XXYLT1: variants seen among roughly 807,000 people sequenced by gnomAD.
The protein encoded by XXYLT1 is UDP-xylose:alpha-xyloside alpha-1,3-xylosyltransferase.
In XXYLT1, 20 loss-of-function variants were observed where a neutral mutation model predicts 28.9. The ratio of observed to expected loss-of-function variants is 0.69; its 90% CI spans 0.49 to 1.00. The LOEUF (loss-of-function observed/expected upper bound fraction) is 1.00, where lower values mean the gene tolerates loss of function less well. Ranked by LOEUF, XXYLT1 falls within the 50% of genes least tolerant of loss-of-function variation. XXYLT1 has a pLI of 0.00. For missense variants in XXYLT1, 542 were observed against 560.1 expected (o/e 0.97, Z 0.33); for synonymous variants, 257 against 253.8 (o/e 1.01, Z -0.12).
chr3:195,140,704 A>G (rs182210751), intron 3 of XXYLT1, among the ~76,000 whole-genome samples: 83 of 152,286 alleles, frequency 5.5e-4, no homozygotes, highest in African/African-American at 1.9e-3. Context: ...GGGAAGCACT[A>G]CACACTTTTA....
chr3:195,258,438 A>C (rs1482419475), intron 1 of XXYLT1, among the ~76,000 whole-genome samples: 2 of 152,240 alleles, frequency 1.3e-5, no homozygotes, highest in Non-Finnish European at 2.9e-5. Flanking sequence ...GTAAGAGGGA[A>C]ACAAAACATC....
chr3:195,106,322 A>T (rs907388755), intron 3 of XXYLT1, among the ~76,000 whole-genome samples: 1 of 151,994 alleles, frequency 6.6e-6, no homozygotes, highest in African/African-American at 2.4e-5. Context: ...TTTTTGATGG[A>T]GAGATGCTCT....
rs1283814155 is a variant in XXYLT1, at chr3:195,090,461, G to A, written c.786-20350C>T. Among the ~76,000 whole-genome samples the A allele has an allele frequency of 1.3e-5, 2 of 149,718 alleles. 1 individual carries two copies. The highest frequency in any genetic ancestry group is 5.0e-5 in the African/African-American group (2 of 39,830). Reference sequence around the variant, plus strand: ...ATAACGAAATGAAGGCAGAAATAAAGATGTTCTTTGAAACCAACAAGAACA... The same window carrying A: ...ATAACGAAATGAAGGCAGAAATAAAAATGTTCTTTGAAACCAACAAGAACA... On this transcript the variant is annotated intron_variant, in intron 3 of 3. Transcript: ENST00000310380.
chr3:195,219,221 C>T (rs1415408580), intron 2 of XXYLT1, among the ~76,000 whole-genome samples: 3 of 151,542 alleles, frequency 2.0e-5, no homozygotes, highest in East Asian at 3.9e-4. Context: ...TGCTAGATGA[C>T]GAGTTAGTGG....
chr3:195,204,320 C>A (rs1415734244), intron 2 of XXYLT1, among the ~76,000 whole-genome samples: 1 of 148,542 alleles, frequency 6.7e-6, no homozygotes, highest in Admixed American at 6.8e-5. Flanking sequence ...TCCAGCCTGG[C>A]GACAGAGCAA....
At chr3:195,232,290 G>A (rs1724335097) in intron 1 of XXYLT1, among the ~76,000 whole-genome samples, 1 of 150,576 alleles carries the variant, frequency 6.6e-6, no homozygotes, top group Non-Finnish European at 1.5e-5. Flanking sequence ...TCTTAGTCTG[G>A]CTAAAGGTTT....
intron 2 of XXYLT1, among the ~76,000 whole-genome samples, chr3:195,175,477 G>A (rs1349267832): frequency 6.6e-6 from 1 of 152,146 alleles, no homozygotes; most frequent in South Asian, 2.1e-4. Context: ...CATTTGGGGA[G>A]AGGACGACAA....
intron 3 of XXYLT1, chr3:195,085,763 C>CGAA (rs1715691766): frequency 6.5e-6 from 1 of 152,764 alleles, no homozygotes; most frequent in Non-Finnish European, 1.5e-5. Context: ...GCCTCACTGT[C>CGAA]CTTCGACTGT....
intron 1 of XXYLT1, among the ~76,000 whole-genome samples, chr3:195,245,935 T>A (rs1303696956): frequency 6.6e-6 from 1 of 152,206 alleles, no homozygotes; most frequent in African/African-American, 2.4e-5. Flanking sequence ...GGCACCACCC[T>A]TCTCTACAGC....
At chr3:195,089,357 G>C (rs1716001651) in intron 3 of XXYLT1, among the ~76,000 whole-genome samples, 1 of 152,130 alleles carries the variant, frequency 6.6e-6, no homozygotes, top group Non-Finnish European at 1.5e-5. Context: ...CCAGAAGAGA[G>C]TGGGGGCCAA....
At chr3:195,239,492 A>G (rs1577184860) in intron 1 of XXYLT1, among the ~76,000 whole-genome samples, 1 of 152,370 alleles carries the variant, frequency 6.6e-6, no homozygotes, top group East Asian at 1.9e-4. Context: ...GATGACTTCC[A>G]TACTGAAGGC....
intron 2 of XXYLT1, among the ~76,000 whole-genome samples, chr3:195,157,242 C>CAAAAAAA (rs34312884): frequency 4.1e-5 from 3 of 73,818 alleles, no homozygotes; most frequent in South Asian, 4.9e-4. Flanking sequence ...GGCGCCATCT[C>CAAAAAAA]AAAAAAAAAA....
chr3:195,159,520 AC>A (rs1198209593), intron 2 of XXYLT1, among the ~76,000 whole-genome samples: 5 of 152,184 alleles, frequency 3.3e-5, no homozygotes, highest in Non-Finnish European at 5.9e-5. Flanking sequence ...CTCAGGACTA[AC>A]CAGGCACCCA....
intron 2 of XXYLT1, among the ~76,000 whole-genome samples, chr3:195,182,245 A>G (rs1344971795): frequency 2.0e-5 from 3 of 152,208 alleles, no homozygotes; most frequent in Non-Finnish European, 4.4e-5. Context: ...GGCAGTGCAG[A>G]TCGGGAATCA....
In XXYLT1 at chr3:195,160,656, A is replaced by G. The variant is rs556157868; in HGVS notation, c.653-4075T>C. Among the ~76,000 whole-genome samples, 34 of 152,348 alleles carry G rather than the reference A, an allele frequency of 2.2e-4. No homozygotes were observed. The South Asian group carries it at 6.8e-3, about 31-fold the overall frequency. On this transcript the variant is annotated intron_variant, in intron 2 of 3. Transcript: ENST00000310380. ...GCCAAAGGGCAACTGAAAGGGGTGG[A>G]GACTTCCCCTAACAGTGAGAGGATC...
At chr3:195,184,696 C>T (rs1722100946) in intron 2 of XXYLT1, 1 of 985,418 alleles carries the variant, frequency 1.0e-6, no homozygotes, top group Non-Finnish European at 1.2e-6. Flanking sequence ...CCACCCCACA[C>T]ACAGCCGGTA....
rs962945840 is a variant in XXYLT1 at position 195,180,778 on chromosome 3, G to A, written c.653-24197C>T. Among the ~76,000 whole-genome samples the A allele has an allele frequency of 6.6e-6, 1 of 152,230 alleles. No individual in the cohort carries two copies. Among genetic ancestry groups the A allele is most frequent in the African/African-American group, 2.4e-5 (1 of 41,462 alleles). On this transcript the variant is annotated intron_variant, in intron 2 of 3. Coordinates refer to ENST00000310380, the MANE Select transcript of XXYLT1 (RefSeq NM_152531.5). The surrounding 1 kb of genome is among the most constrained non-coding windows in gnomAD (Gnocchi z 5.8). ...CCTGCTCGCCAGGAGCAAGGGCAGC[G>A]CCGGCCCTCCTCGGGAGAAGCTCCA...
chr3:195,225,998 A>G (rs1724032368), intron 2 of XXYLT1, among the ~76,000 whole-genome samples: 1 of 152,162 alleles, frequency 6.6e-6, no homozygotes, highest in South Asian at 2.1e-4. Flanking sequence ...GTATGTCTTT[A>G]TGAACAGCGT....
Position 195,271,070 on chromosome 3 carries a change from C to T in XXYLT1, c.-12G>A, listed in dbSNP as rs2108865416. The stretch of plus-strand genomic sequence containing the variant: ...CGGAGGAGGCCCATGCGCTACGAGA[C>T]CGCGGCGCCAGCGGTGCCAGCAACG... On this transcript the variant is annotated 5_prime_UTR_variant, in exon 1 of 4. Coordinates refer to ENST00000310380, the MANE Select transcript of XXYLT1 (RefSeq NM_152531.5). 3.0e-6 allele frequency: 4 copies of T among 1,332,068 alleles called. No homozygotes were observed. The East Asian group carries it at 1.3e-4, about 42-fold the overall frequency. 82.5% of individuals were successfully genotyped at this position (1,332,068 alleles called of 1,614,324 possible).
Sources: allele counts gnomAD v4.1 joint callset (sites outside exome capture counted in the v4.1 genomes callset), GRCh38; gene constraint gnomAD v4.1.1; non-coding constraint Gnocchi (gnomAD v3.1); transcripts MANE v1.5; gene names NCBI Gene and HGNC (gene_info 2026-07-23, HGNC 2026-07-21).